The following ZNF577 variants were observed in gnomAD, a reference collection of about 807,000 sequenced individuals.
ZNF577 encodes the protein zinc finger protein 577.
Under a neutral mutation model 13.9 loss-of-function variants are expected in ZNF577, and 14 were observed. The ratio of observed to expected loss-of-function variants is 1.00; its 90% CI spans 0.66 to 1.57. The LOEUF is 1.57. Among genes scored for constraint, ZNF577 ranks in the 40% most tolerant of loss-of-function variants. The pLI is 0.00. For synonymous variants in ZNF577, 203 were observed against 202.9 expected (o/e 1.00, Z 0.00); for missense variants, 555 against 579.2 (o/e 0.96, Z 0.43).
At position 51,872,585 on chromosome 19, in the gene ZNF577, C is replaced by A; in HGVS notation, c.1405G>T (p.Ala469Ser). The A allele has an allele frequency of 6.2e-7, 1 of 1,612,940 alleles. No individual in the cohort carries two copies. Among genetic ancestry groups the A allele is most frequent in the Non-Finnish European group, 8.5e-7 (1 of 1,179,526 alleles). ...RISLTNEVNV[A>S]PSVINYILYL... Reference sequence around the variant, plus strand: ...AAGATATAATTTATTACTGATGGGGCCACATTCACTTCATTTGTGAGGCTT... The same window carrying A: ...AAGATATAATTTATTACTGATGGGGACACATTCACTTCATTTGTGAGGCTT... Residue 469 changes from alanine to serine, a missense_variant, in exon 6 of 6, where the codon GCC becomes TCC. Coordinates refer to ENST00000638348, the MANE Select transcript of ZNF577 (RefSeq NM_001370449.1).
At chr19:51,826,849 CT>C (rs2084234707) in intron 9 of ZNF577, among the ~76,000 whole-genome samples, 1 of 152,274 alleles carries the variant, frequency 6.6e-6, no homozygotes, top group Admixed American at 6.5e-5. Context: ...AGCACTGAGT[CT>C]GCCTTGGAGT....
rs561862562 is a variant in ZNF577 at position 51,867,618 on chromosome 19, CA to C, written c.*4913del. Among the ~76,000 whole-genome samples the C allele has an allele frequency of 0.11, 11,820 of 110,208 alleles. 617 individuals carry two copies. The highest frequency in any genetic ancestry group is 0.29 in the East Asian group (1,181 of 4,110). The allele number at this position is 110,208 out of a possible 152,430, so 72.3% of individuals were successfully genotyped here. ...TGAAACCCCGTCTCTACTAAAAATA[CA>C]AAAAAAAAAAAAAAAATTAGCCGGG... On this transcript the variant is annotated 3_prime_UTR_variant, in exon 6 of 6. Transcript: ENST00000638348.
In ZNF577 at chr19:51,872,663, G is replaced by A; in HGVS notation, c.1327C>T (p.Pro443Ser). The A allele has an allele frequency of 6.2e-7, 1 of 1,614,178 alleles. No homozygotes were observed. Among genetic ancestry groups the A allele is most frequent in the Non-Finnish European group, 8.5e-7 (1 of 1,180,036 alleles). The change falls in exon 6 of 6, where the codon CCT becomes TCT. Residue 443 changes from proline to serine, a missense_variant. Coordinates refer to ENST00000638348, the MANE Select transcript of ZNF577 (RefSeq NM_001370449.1). ...VGRNVVIVEQ[P>S]FPRNQAFVVN... ...ACAAAGGCTTGATTTCTTGGAAAAG[G>A]TTGTTCCACAATCACTACATTTCTG...
Position 51,857,412 on chromosome 19 carries a change from AAGAAAGAAAGAAAG to A in ZNF577, c.284-12495_284-12482del, listed in dbSNP as rs1269407903. ...AAAGAAAGAAAGAAAGAAAGAAAGA[AAGAAAGAAAGAAAG>A]AAAAGAAAAAACAAAGAAAGGAAGG... On this transcript the variant is annotated intron_variant and NMD_transcript_variant, in intron 5 of 10. Transcript: ENST00000638827. 2.2e-4 allele frequency among the ~76,000 whole-genome samples: 24 copies of A among 110,616 alleles called. 1 individual carries two copies. The highest frequency in any genetic ancestry group is 7.5e-4 in the South Asian group (2 of 2,678). 72.6% of individuals were successfully genotyped at this position (110,616 alleles called of 152,430 possible). A position where few individuals can be genotyped will look rare whatever the true frequency, so the allele number is the denominator to read the frequency against.
rs2084956701 is a variant in ZNF577, at chr19:51,886,995, CTTCTG to C, written c.-398_-394del. 6.6e-6 allele frequency: 1 copy of C among 152,014 alleles called. No individual in the cohort carries two copies. Among genetic ancestry groups the C allele is most frequent in the African/African-American group, 2.4e-5 (1 of 41,360 alleles). The allele number at this position is 152,014 out of a possible 1,614,324, so 9.4% of individuals were successfully genotyped here. On this transcript the variant is annotated 5_prime_UTR_variant, in exon 1 of 6. Transcript: ENST00000638348. The stretch of plus-strand genomic sequence containing the variant: ...ACAGAATAAACATATATATTTTTAA[CTTCTG>C]TTCTTGTCAACTAAGTAAAATTAGG...
chr19:51,885,335 C>T (rs2084927020), intron 1 of ZNF577, among the ~76,000 whole-genome samples: 1 of 152,150 alleles, frequency 6.6e-6, no homozygotes, highest in African/African-American at 2.4e-5. Context: ...CTGTCTGCAC[C>T]TTTACAGAAA....
chr19:51,877,564 A>G (rs965563656), intron 4 of ZNF577, 187 bp from the exon 5 acceptor site: 1 of 454,650 alleles, frequency 2.2e-6, no homozygotes, highest in African/African-American at 2.0e-5. Context: ...ACCCATACCC[A>G]TTAGGATGGC....
At chr19:51,875,134 C>CAA (rs2084736388) in intron 5 of ZNF577, among the ~76,000 whole-genome samples, 1 of 151,688 alleles carries the variant, frequency 6.6e-6, no homozygotes, top group African/African-American at 2.4e-5. Flanking sequence ...TTTGGGAGGT[C>CAA]GAGGTGGATG....
intron 10 of ZNF577, among the ~76,000 whole-genome samples, chr19:51,809,155 T>C (rs1009974036): frequency 1.3e-5 from 2 of 152,252 alleles, no homozygotes; most frequent in African/African-American, 4.8e-5. Flanking sequence ...TTTGTAAGTC[T>C]CATATTCCAT....
chr19:51,806,290 T>C (rs986384008), intron 10 of ZNF577, among the ~76,000 whole-genome samples: 7 of 152,188 alleles, frequency 4.6e-5, no homozygotes, highest in Admixed American at 3.9e-4. Context: ...CCCACATGGC[T>C]TGTCAATCTC....
intron 9 of ZNF577, among the ~76,000 whole-genome samples, chr19:51,838,496 T>C (rs115966093): frequency 6.7e-6 from 1 of 149,682 alleles, no homozygotes; most frequent in Non-Finnish European, 1.5e-5. Context: ...TAATAAAAAA[T>C]TTTTTTTTAA....
intron 9 of ZNF577, among the ~76,000 whole-genome samples, chr19:51,813,153 CA>C (rs2084109622): frequency 2.0e-5 from 3 of 151,226 alleles, no homozygotes; most frequent in African/African-American, 7.3e-5. Context: ...CACACACACA[CA>C]CACACACCCC....
chr19:51,854,040 C>T (rs2122571061), intron 5 of ZNF577, among the ~76,000 whole-genome samples: 1 of 152,192 alleles, frequency 6.6e-6, no homozygotes, highest in East Asian at 1.9e-4. Flanking sequence ...CTCTGCTATA[C>T]TATTCTTTAA....
rs1001336925 is a variant in ZNF577 at position 51,870,389 on chromosome 19, T to C, written c.*2143A>G. 1.3e-5 allele frequency among the ~76,000 whole-genome samples: 2 copies of C among 152,208 alleles called. No individual in the cohort carries two copies. The highest frequency in any genetic ancestry group is 4.8e-5 in the African/African-American group (2 of 41,448). On this transcript the variant is annotated 3_prime_UTR_variant, in exon 6 of 6. Coordinates refer to ENST00000638348, the MANE Select transcript of ZNF577 (RefSeq NM_001370449.1). The stretch of plus-strand genomic sequence containing the variant: ...AAATTGCTAACTTACTTGGAAAGTA[T>C]GGCCTTTTCATGGCTTGCATGTATG...
At chr19:51,885,021 T>G (rs975096576) in intron 1 of ZNF577, among the ~76,000 whole-genome samples, 1 of 152,246 alleles carries the variant, frequency 6.6e-6, no homozygotes, top group Non-Finnish European at 1.5e-5. Flanking sequence ...TTGAAATGTA[T>G]TTAGACTTGC....
At position 51,872,941 on chromosome 19, in the gene ZNF577, C is replaced by T; in HGVS notation, c.1049G>A (p.Gly350Glu). ...KLIQHQRTHTGERPYSCRECG... is the reference protein window; with the variant it reads ...KLIQHQRTHTEERPYSCRECG... ...TTCTCTGCATGAATATGGTCTCTCT[C>T]CAGTGTGAGTACGCTGATGCTGAAT... The change falls in exon 6 of 6, where the codon GGA becomes GAA. Residue 350 changes from glycine (G) to glutamate (E), a missense_variant. Gly to Glu is a moderately conservative substitution (Grantham distance 98, BLOSUM62 -2). Coordinates refer to ENST00000638348, the MANE Select transcript of ZNF577 (RefSeq NM_001370449.1). 6.2e-7 allele frequency: 1 copy of T among 1,614,180 alleles called. No individual in the cohort carries two copies. The highest frequency in any genetic ancestry group is 1.3e-5 in the African/African-American group (1 of 75,060).
At chr19:51,835,857 T>C (rs139636170) in intron 9 of ZNF577, among the ~76,000 whole-genome samples, 32 of 152,284 alleles carry the variant, frequency 2.1e-4, no homozygotes, top group Non-Finnish European at 3.8e-4. Context: ...CACGCCCAGC[T>C]AATTTTTGTA....
chr19:51,810,908 A>G (rs11670020), intron 10 of ZNF577, among the ~76,000 whole-genome samples: 19,506 of 152,228 alleles, frequency 0.13, 1,521 homozygotes, highest in South Asian at 0.3. Flanking sequence ...GGGGCTCTCC[A>G]GCTATGGCAG....
chr19:51,824,310 G>A lies in ZNF577; in HGVS notation c.*600-12636C>T. ...CTTTGCATTCTGGGGTGACACTGCT[G>A]TAGAGAGGTTGAACGTGTTCATTAC... On this transcript the variant is annotated intron_variant and NMD_transcript_variant, in intron 9 of 10. Transcript: ENST00000638827. This position sits in a 1 kb window ranked among gnomAD's most constrained non-coding sequence, Gnocchi z 4.7. 1 of 1,614,146 alleles carries A rather than the reference G, an allele frequency of 6.2e-7. No homozygotes were observed. The highest frequency in any genetic ancestry group is 8.5e-7 in the Non-Finnish European group (1 of 1,179,996).
Sources: allele counts gnomAD v4.1 joint callset (sites outside exome capture counted in the v4.1 genomes callset), GRCh38; gene constraint gnomAD v4.1.1; non-coding constraint Gnocchi (gnomAD v3.1); transcripts MANE v1.5; gene names NCBI Gene and HGNC (gene_info 2026-07-23, HGNC 2026-07-21).